The following ABCA3 variants were observed in gnomAD, a reference collection of about 807,000 sequenced individuals.
ABCA3 encodes the protein phospholipid-transporting ATPase ABCA3.
Under a neutral mutation model 172.8 loss-of-function variants are expected in ABCA3, and 88 were observed. That is an observed-to-expected ratio of 0.51 (90% CI 0.43 to 0.61). The LOEUF is 0.61. ABCA3 is among the 20% of genes least tolerant of loss of function. ABCA3 has a pLI of 0.00. For missense variants in ABCA3, 2,164 were observed against 2,301.0 expected, an observed-to-expected ratio of 0.94 and a Z score of 1.22; for synonymous variants, 1,066 against 983.8, an observed-to-expected ratio of 1.08 and a Z score of -1.56.
At chr16:2,301,723 A>G (rs552557982) in intron 12 of ABCA3, among the ~76,000 whole-genome samples, 12 of 152,220 alleles carry the variant, frequency 7.9e-5, no homozygotes, top group Admixed American at 7.9e-4. Context: ...GAAAAAAAAA[A>G]AAAAAGAAAT....
In ABCA3 at chr16:2,316,490, C is replaced by CAAAAAAAAAAAAAA. The variant is rs71148128; in HGVS notation, c.1111+779_1111+792dup. Among the ~76,000 whole-genome samples the CAAAAAAAAAAAAAA allele has an allele frequency of 4.3e-3, 125 of 28,864 alleles. 50 individuals are homozygous for CAAAAAAAAAAAAAA. Among genetic ancestry groups the CAAAAAAAAAAAAAA allele is most frequent in the Non-Finnish European group, 6.3e-3 (82 of 12,998 alleles). 18.9% of individuals were successfully genotyped at this position (28,864 alleles called of 152,430 possible). A position where few individuals can be genotyped will look rare whatever the true frequency, so the allele number is the denominator to read the frequency against. ...CAAAACCCCGTCTCTACTAAAAATG[C>CAAAAAAAAAAAAAA]AAAAAAAAAAAAAAAAAAAAAAAAA... On this transcript the variant is annotated intron_variant, in intron 10 of 32. Transcript: ENST00000301732.
rs1254843201 is a variant in ABCA3, at chr16:2,278,385, G to A, written c.4621C>T (p.Pro1541Ser). Reference protein sequence around the residue: ...GEPAVIFLDEPSTGMDPVARR... With the variant: ...GEPAVIFLDESSTGMDPVARR... ...GCCACGGGGTCCATGCCAGTGGACG[G>A]CTCGTCCAGGAAGATGACAGCAGGC... Residue 1541 changes from proline to serine, a missense_variant, in exon 30 of 33, where the codon CCG (proline) becomes TCG (serine). By Grantham distance (74) the Pro-to-Ser change is moderately conservative. This residue lies in a region of ABCA3 where 795 missense variants were observed against 881.9 expected (regional missense o/e 0.90). Coordinates refer to ENST00000301732, the MANE Select transcript of ABCA3 (RefSeq NM_001089.3). This position sits in a 1 kb window ranked among gnomAD's most constrained non-coding sequence, Gnocchi z 4.4. 1 of 1,612,702 alleles carries A rather than the reference G, an allele frequency of 6.2e-7. No homozygotes were observed. Among genetic ancestry groups the A allele is most frequent in the Admixed American group, 1.7e-5 (1 of 60,034 alleles).
At chr16:2,276,944 G>A (rs1458678871) in intron 32 of ABCA3, 139 bp from the exon 33 acceptor site, 1 of 1,324,514 alleles carries the variant, frequency 7.5e-7, no homozygotes, top group Non-Finnish European at 1.1e-6. Flanking sequence ...GAGCCCCAGA[G>A]AGGTCAGCCC....
chr16:2,309,711 G>A (rs1184234853), intron 10 of ABCA3, among the ~76,000 whole-genome samples: 1 of 152,078 alleles, frequency 6.6e-6, no homozygotes, highest in Non-Finnish European at 1.5e-5. Flanking sequence ...TCCACCTCCC[G>A]GGCCCAAGAA....
intron 12 of ABCA3, among the ~76,000 whole-genome samples, chr16:2,301,518 C>A (rs1037940796): frequency 1.3e-5 from 2 of 152,012 alleles, no homozygotes; most frequent in Non-Finnish European, 2.9e-5. Context: ...ACCAGCCTGG[C>A]CAACATGGCG....
At position 2,283,600 on chromosome 16, in the gene ABCA3, C is replaced by A. The variant is rs890315896; in HGVS notation, c.3863-242G>T. ...CGACATGGCAGACCCAGGGCAGCAA[C>A]AGCCCGCCTGAGAGGCACAGGCTCT... On this transcript the variant is annotated intron_variant, in intron 25 of 32. Transcript: ENST00000301732. The surrounding 1 kb of genome is among the most constrained non-coding windows in gnomAD (Gnocchi z 5.4). 1.9e-6 allele frequency: 1 copy of A among 519,406 alleles called. No individual in the cohort carries two copies. The highest frequency in any genetic ancestry group is 3.5e-6 in the Non-Finnish European group (1 of 286,134). The allele number at this position is 519,406 out of a possible 1,614,324, so 32.2% of individuals were successfully genotyped here.
chr16:2,304,234 C>T (rs1417703557), intron 11 of ABCA3, 84 bp from the exon 12 acceptor site: 3 of 1,459,022 alleles, frequency 2.1e-6, no homozygotes, highest in Non-Finnish European at 1.9e-6. Flanking sequence ...CACACGTGTG[C>T]ACATTTGACC....
At chr16:2,320,588 G>A (rs567380048) in intron 7 of ABCA3, among the ~76,000 whole-genome samples, 159 of 151,254 alleles carry the variant, frequency 1.1e-3, no homozygotes, top group Non-Finnish European at 6.9e-4. Context: ...TAGTAGAGAC[G>A]GGGTTTCACT....
In ABCA3 at chr16:2,326,193, T is replaced by A. The variant is rs751290060; in HGVS notation, c.136A>T (p.Ile46Phe). 6.2e-7 allele frequency: 1 copy of A among 1,614,070 alleles called. No homozygotes were observed. Among genetic ancestry groups the A allele is most frequent in the Non-Finnish European group, 8.5e-7 (1 of 1,180,016 alleles). ...SGILIWLRLK[I>F]QSENVPNATI... ...GCGTTGGGCACATTTTCCGACTGAA[T>A]CTTCAAGCGGAGCCAGATGAGGATC... Residue 46 changes from isoleucine (I) to phenylalanine (F), a missense_variant, in exon 5 of 33, where the codon ATT becomes TTT. Physicochemically the swap from Ile to Phe is conservative, Grantham distance 21 (BLOSUM62 0). This residue lies in a region of ABCA3 where 1,343 missense variants were observed against 1,369.6 expected (regional missense o/e 0.98). Coordinates refer to ENST00000301732, the MANE Select transcript of ABCA3 (RefSeq NM_001089.3).
Position 2,276,347 on chromosome 16 carries a change from A to G in ABCA3, c.*327T>C. On this transcript the variant is annotated 3_prime_UTR_variant, in exon 33 of 33. Coordinates refer to ENST00000301732, the MANE Select transcript of ABCA3 (RefSeq NM_001089.3). ...TCCTCTCTCCAGGGAGTGCCTGGAG[A>G]AATTCAACCCCCAGCTCAGCTGCAG... 4.0e-6 allele frequency: 2 copies of G among 502,928 alleles called. No homozygotes were observed. Among genetic ancestry groups the G allele is most frequent in the Non-Finnish European group, 7.8e-6 (2 of 257,998 alleles). The allele number at this position is 502,928 out of a possible 1,614,324, so 31.2% of individuals were successfully genotyped here. A position where few individuals can be genotyped will look rare whatever the true frequency, so the allele number is the denominator to read the frequency against.
In ABCA3 at chr16:2,297,885, C is replaced by T; in HGVS notation, c.1933G>A (p.Val645Ile). 1 of 1,613,882 alleles carries T rather than the reference C, an allele frequency of 6.2e-7. No individual in the cohort carries two copies. Among genetic ancestry groups the T allele is most frequent in the Non-Finnish European group, 8.5e-7 (1 of 1,180,044 alleles). ...CCGATGATGTGCAGCATCTGCTTGA[C>T]TTCTTCAGGGCACTTCTGACGTGAC... is the stretch of plus-strand genomic sequence containing the variant. ...GLSRQKCPEEVKQMLHIIGLE... is the reference protein window; with the variant it reads ...GLSRQKCPEEIKQMLHIIGLE... Residue 645 changes from valine to isoleucine, a missense_variant, in exon 16 of 33, where the codon GTC (valine) becomes ATC (isoleucine). Val to Ile is a conservative substitution (Grantham distance 29). Transcript: ENST00000301732. The surrounding 1 kb of genome is among the most constrained non-coding windows in gnomAD (Gnocchi z 5.6).
intron 11 of ABCA3, 64 bp from the exon 12 acceptor site, chr16:2,304,214 C>A (rs1027747580): frequency 4.5e-6 from 7 of 1,571,726 alleles, no homozygotes; most frequent in Admixed American, 3.3e-5. Context: ...GGACCCGAAG[C>A]CCCTGATGGC....
At chr16:2,316,794 T>C (rs761617730) in intron 10 of ABCA3, among the ~76,000 whole-genome samples, 1 of 151,560 alleles carries the variant, frequency 6.6e-6, no homozygotes, top group Non-Finnish European at 1.5e-5. Context: ...ATTTTAGAGG[T>C]AAGTAATCAA....
chr16:2,313,061 A>C (rs1373123648), intron 10 of ABCA3, among the ~76,000 whole-genome samples: 2 of 152,000 alleles, frequency 1.3e-5, no homozygotes, highest in Non-Finnish European at 2.9e-5. Flanking sequence ...TCTCAAAACA[A>C]AAAAAATTTA....
intron 3 of ABCA3, among the ~76,000 whole-genome samples, chr16:2,328,201 A>G (rs568577082): frequency 1.3e-5 from 2 of 152,324 alleles, no homozygotes; most frequent in African/African-American, 4.8e-5. Flanking sequence ...GTATTCCCTC[A>G]ATTTAGCTAA....
intron 3 of ABCA3, among the ~76,000 whole-genome samples, chr16:2,327,139 G>A (rs1213344905): frequency 1.3e-5 from 2 of 152,118 alleles, no homozygotes; most frequent in Non-Finnish European, 2.9e-5. Flanking sequence ...TTTTGAGACA[G>A]GGTCCTGCTC....
In ABCA3 at chr16:2,308,312, C is replaced by T. The variant is rs323074; in HGVS notation, c.1285+138G>A. ...TCCAGCCCACACTCAGCGCTGTATG[C>T]GGATGCTGCTGCCTTCAGTGGTCCC... On this transcript the variant is annotated intron_variant, in intron 11 of 32. Coordinates refer to ENST00000301732, the MANE Select transcript of ABCA3 (RefSeq NM_001089.3). The T allele has an allele frequency of 0.16, 166,835 of 1,037,866 alleles. 15,557 individuals carry two copies. Among genetic ancestry groups the T allele is most frequent in the Non-Finnish European group, 0.19 (130,878 of 689,864 alleles). 64.3% of individuals were successfully genotyped at this position (1,037,866 alleles called of 1,614,324 possible). A position where few individuals can be genotyped will look rare whatever the true frequency, so the allele number is the denominator to read the frequency against.
chr16:2,280,909 A>G, intron 28 of ABCA3, 118 bp downstream of exon 28: 2 of 1,381,946 alleles, frequency 1.4e-6, no homozygotes, highest in East Asian at 4.8e-5. Context: ...TGCTGGGCCC[A>G]TTTCAAGCCA....
chr16:2,287,763 G>C lies in ABCA3; in HGVS notation c.3004+263C>G, dbSNP rs960099802. On this transcript the variant is annotated intron_variant, in intron 21 of 32. Transcript: ENST00000301732. The surrounding 1 kb of genome is among the most constrained non-coding windows in gnomAD (Gnocchi z 4.1). Reference sequence around the variant, plus strand: ...GACAAAGCCTGGCCCCAGGATGCCAGTGTCTCTGGCACCTCCAGGGCACTT... The same window carrying C: ...GACAAAGCCTGGCCCCAGGATGCCACTGTCTCTGGCACCTCCAGGGCACTT... Among the ~76,000 whole-genome samples, 10 of 152,244 alleles carry C rather than the reference G, an allele frequency of 6.6e-5. No individual in the cohort carries two copies. The highest frequency in any genetic ancestry group is 1.3e-4 in the Non-Finnish European group (9 of 68,052).
Sources: gnomAD v4.1 joint callset for allele counts (sites outside exome capture counted in the v4.1 genomes callset) on GRCh38, gnomAD v4.1.1 for gene constraint, gnomAD v4.1.1 regional missense constraint, Gnocchi (gnomAD v3.1) non-coding constraint, MANE v1.5 for transcripts, NCBI Gene and HGNC (gene_info 2026-07-23, HGNC 2026-07-21) for gene names.